The following TMEM260 variants were observed in gnomAD, a reference collection of about 807,000 sequenced individuals.
The protein encoded by TMEM260 is transmembrane protein 260.
In TMEM260, 82 loss-of-function variants were observed where a neutral mutation model predicts 88.9. That is an observed-to-expected ratio of 0.92 (90% CI 0.77 to 1.11). The LOEUF is 1.11. Ranked by LOEUF, TMEM260 falls within the 50% of genes least tolerant of loss-of-function variation. The pLI is 0.00. For synonymous variants in TMEM260, 314 were observed against 309.3 expected (o/e 1.02, Z -0.16); for missense variants, 902 against 853.4 (o/e 1.06, Z -0.71).
intron 15 of TMEM260, among the ~76,000 whole-genome samples, chr14:56,641,007 T>G (rs1889550640): frequency 6.6e-6 from 1 of 152,114 alleles, no homozygotes; most frequent in East Asian, 1.9e-4. Context: ...ACAAGAAATA[T>G]GGGACTATGA....
At chr14:56,582,959 T>C (rs1295280070) in intron 1 of TMEM260, among the ~76,000 whole-genome samples, 3 of 152,192 alleles carry the variant, frequency 2.0e-5, no homozygotes, top group African/African-American at 7.2e-5. Flanking sequence ...AGCAGAAGTC[T>C]GGCAAATAAT....
chr14:56,642,150 A>T (rs1394170936), intron 15 of TMEM260, among the ~76,000 whole-genome samples: 11 of 152,346 alleles, frequency 7.2e-5, no homozygotes, highest in African/African-American at 2.6e-4. Flanking sequence ...GCTCTGCACG[A>T]AGCGGACCTA....
At chr14:56,657,545 T>C in the TMEM260 span, among the ~76,000 whole-genome samples, 7 of 152,164 alleles carry the variant, frequency 4.6e-5, no homozygotes, top group African/African-American at 1.7e-4. Flanking sequence ...AAGGGCCCTG[T>C]CCCCGACAGA....
intron 15 of TMEM260, among the ~76,000 whole-genome samples, chr14:56,637,950 G>C (rs1455704784): frequency 6.6e-6 from 1 of 151,002 alleles, no homozygotes; most frequent in Non-Finnish European, 1.5e-5. Context: ...GGCACACAAG[G>C]GTGCTACAGA....
chr14:56,608,889 C>G (rs183737936), intron 5 of TMEM260, among the ~76,000 whole-genome samples: 1 of 152,316 alleles, frequency 6.6e-6, no homozygotes, highest in East Asian at 1.9e-4. Context: ...CTTCACTCAG[C>G]TTTCACCTGC....
chr14:56,600,065 G>A (rs1379659409), intron 3 of TMEM260, among the ~76,000 whole-genome samples: 13 of 152,200 alleles, frequency 8.5e-5, no homozygotes, highest in Admixed American at 7.9e-4. Flanking sequence ...TTTAAAGGCA[G>A]TGTGTTGAAA....
chr14:56,636,496 C>T lies in TMEM260; in HGVS notation c.1779-12C>T, dbSNP rs535606277. The T allele has an allele frequency of 1.2e-6, 2 of 1,612,534 alleles. No individual in the cohort carries two copies. Among genetic ancestry groups the T allele is most frequent in the Non-Finnish European group, 1.7e-6 (2 of 1,178,680 alleles). On this transcript the variant is annotated splice_polypyrimidine_tract_variant and intron_variant, in intron 14 of 15. Transcript: ENST00000261556. The stretch of plus-strand genomic sequence containing the variant: ...GTATGATTTTAATGAAGGTTCCTAT[C>T]CCCACCCCCAGGATGAAAACACCGT...
At chr14:56,658,573 T>C in the TMEM260 span, among the ~76,000 whole-genome samples, 1 of 151,922 alleles carries the variant, frequency 6.6e-6, no homozygotes, top group Admixed American at 6.6e-5. Flanking sequence ...CAAATCCAAA[T>C]TGAGAGACTG....
intron 3 of TMEM260, among the ~76,000 whole-genome samples, chr14:56,594,371 A>T (rs1424259347): frequency 6.6e-6 from 1 of 152,180 alleles, no homozygotes; most frequent in Non-Finnish European, 1.5e-5. Flanking sequence ...AATCAATTTC[A>T]GTGGGAACAA....
rs571812419 is a variant in TMEM260 at position 56,635,963 on chromosome 14, A to AGATATACCATATGTTT, written c.1779-543_1779-528dup. On this transcript the variant is annotated intron_variant, in intron 14 of 15. Transcript: ENST00000261556. ...ATTCTTACTTTAAGGAACTGATCAA[A>AGATATACCATATGTTT]GATATACCATATGTTTGCATAATTC... is the stretch of plus-strand genomic sequence containing the variant. Among the ~76,000 whole-genome samples the AGATATACCATATGTTT allele has an allele frequency of 5.6e-4, 85 of 152,248 alleles. 2 individuals carry two copies. The East Asian group carries it at 0.013, about 24-fold the overall frequency.
chr14:56,619,946 A>T (rs115148325), intron 10 of TMEM260, among the ~76,000 whole-genome samples: 2,069 of 152,342 alleles, frequency 0.014, 37 homozygotes, highest in African/African-American at 0.047. Flanking sequence ...ACCATGGAAC[A>T]CTAGGCAGCC....
chr14:56,640,949 A>G (rs919048739), intron 15 of TMEM260, among the ~76,000 whole-genome samples: 1 of 151,036 alleles, frequency 6.6e-6, no homozygotes, highest in Admixed American at 6.6e-5. Context: ...AGAAAAAAGA[A>G]TAACAAGAAA....
In TMEM260 at chr14:56,615,546, G is replaced by C. The variant is rs113181413; in HGVS notation, c.858-398G>C. ...ATATTAGATCTCCAGAAATCTATTT[G>C]AATTAATTTTGTTATCATTTGCTAA... On this transcript the variant is annotated intron_variant, in intron 7 of 15. Coordinates refer to ENST00000261556, the MANE Select transcript of TMEM260 (RefSeq NM_017799.4). 175 of 155,412 alleles carry C rather than the reference G, an allele frequency of 1.1e-3. 2 individuals carry two copies. The highest frequency in any genetic ancestry group is 4.0e-3 in the African/African-American group (165 of 41,640). 9.6% of individuals were successfully genotyped at this position (155,412 alleles called of 1,614,324 possible).
In TMEM260 at chr14:56,647,666, G is replaced by C; in HGVS notation, c.*169G>C. On this transcript the variant is annotated 3_prime_UTR_variant, in exon 16 of 16. Coordinates refer to ENST00000261556, the MANE Select transcript of TMEM260 (RefSeq NM_017799.4). ...GTTTAATGGGGTATTCAGTGACTAAGGTCTGCTATTTATGCAAAATTCTGT... is the reference window on the plus strand; with the variant it reads ...GTTTAATGGGGTATTCAGTGACTAACGTCTGCTATTTATGCAAAATTCTGT... The C allele has an allele frequency of 4.4e-6, 3 of 682,808 alleles. No homozygotes were observed. Among genetic ancestry groups the C allele is most frequent in the Non-Finnish European group, 6.8e-6 (3 of 439,176 alleles). 42.3% of individuals were successfully genotyped at this position (682,808 alleles called of 1,614,324 possible). A position where few individuals can be genotyped will look rare whatever the true frequency, so the allele number is the denominator to read the frequency against.
chr14:56,658,697 AG>A, the TMEM260 span, among the ~76,000 whole-genome samples: 3 of 152,124 alleles, frequency 2.0e-5, no homozygotes, highest in African/African-American at 7.2e-5. Flanking sequence ...AGCTATGTGC[AG>A]TGTGGGATCC....
At chr14:56,639,298 CTA>C (rs57378076) in intron 15 of TMEM260, among the ~76,000 whole-genome samples, 5,833 of 152,074 alleles carry the variant, frequency 0.038, 377 homozygotes, top group African/African-American at 0.13. Context: ...TTAAAAATAA[CTA>C]AAAGAGTATA....
At chr14:56,604,133 CT>C in intron 4 of TMEM260, 141 bp downstream of exon 4, 1 of 805,958 alleles carries the variant, frequency 1.2e-6, no homozygotes, top group Non-Finnish European at 1.8e-6. Flanking sequence ...AGAAAATGAT[CT>C]CAGTCTTTTT....
At chr14:56,642,418 T>C (rs1439750729) in intron 15 of TMEM260, among the ~76,000 whole-genome samples, 1 of 152,030 alleles carries the variant, frequency 6.6e-6, no homozygotes, top group Admixed American at 6.5e-5. Context: ...ACTGGGTACA[T>C]AACAAAATGA....
At chr14:56,650,793 C>A (rs1481901028), downstream of TMEM260, among the ~76,000 whole-genome samples, 1 of 151,980 alleles carries the variant, frequency 6.6e-6, no homozygotes, top group African/African-American at 2.4e-5. Flanking sequence ...TATTGTGAAT[C>A]TTTCATCATA....
Sources: gnomAD v4.1 joint callset for allele counts (sites outside exome capture counted in the v4.1 genomes callset) on GRCh38, gnomAD v4.1.1 for gene constraint, MANE v1.5 for transcripts, NCBI Gene and HGNC (gene_info 2026-07-23, HGNC 2026-07-21) for gene names.